Variants in TBC1D8 observed in about 807,000 individuals in gnomAD.
TBC1D8 encodes TBC1 domain family member 8.
In TBC1D8, 65 loss-of-function variants were observed where a neutral mutation model predicts 118.8. The ratio of observed to expected loss-of-function variants is 0.55; its 90% CI spans 0.45 to 0.67. TBC1D8 has a LOEUF of 0.67. TBC1D8 is among the 30% of genes least tolerant of loss of function. TBC1D8 has a pLI of 0.00. For synonymous variants in TBC1D8, 566 were observed against 595.8 expected, an observed-to-expected ratio of 0.95 and a Z score of 0.73; for missense variants, 1,376 against 1,471.2, an observed-to-expected ratio of 0.94 and a Z score of 1.06.
intron 1 of TBC1D8, among the ~76,000 whole-genome samples, chr2:101,140,734 C>T (rs1286829104): frequency 6.6e-6 from 1 of 151,264 alleles, no homozygotes; most frequent in African/African-American, 2.4e-5. Context: ...ACCTTCGCAT[C>T]TCCAAATAAC....
At chr2:101,117,068 G>GT (rs1677852538) in intron 1 of TBC1D8, among the ~76,000 whole-genome samples, 1 of 152,122 alleles carries the variant, frequency 6.6e-6, no homozygotes. Flanking sequence ...AGAGCACTGT[G>GT]TGATGACTGA....
intron 19 of TBC1D8, among the ~76,000 whole-genome samples, chr2:101,009,065 G>A (rs1678972751): frequency 6.6e-6 from 1 of 152,108 alleles, no homozygotes; most frequent in Non-Finnish European, 1.5e-5. Flanking sequence ...GCTTCAGGTG[G>A]AATCTAGCTA....
At position 101,050,474 on chromosome 2, in the gene TBC1D8, G is replaced by C. The variant is rs936987622; in HGVS notation, c.799C>G (p.Leu267Val). The change falls in exon 5 of 20, where the codon CTG (leucine) becomes GTG (valine). Residue 267 changes from leucine (L) to valine (V), a missense_variant. Physicochemically the swap from Leu to Val is conservative, Grantham distance 32 (BLOSUM62 1). Coordinates refer to ENST00000409318, the MANE Select transcript of TBC1D8 (RefSeq NM_001330348.2). ...ACCTCATTATCCAGCAGCCTTCGCAGCGTCACGTCGGCCAGCTGCTCCATG... is the reference window on the plus strand; with the variant it reads ...ACCTCATTATCCAGCAGCCTTCGCACCGTCACGTCGGCCAGCTGCTCCATG... ...KVMEQLADVT[L>V]RRLLDNEVFD... 1.5e-5 allele frequency: 24 copies of C among 1,613,812 alleles called. No individual in the cohort carries two copies. The highest frequency in any genetic ancestry group is 1.9e-5 in the Non-Finnish European group (22 of 1,179,862).
chr2:101,009,378 C>T (rs969831224), intron 19 of TBC1D8, among the ~76,000 whole-genome samples: 6 of 150,074 alleles, frequency 4.0e-5, no homozygotes, highest in African/African-American at 1.5e-4. Flanking sequence ...TGCACTCTAG[C>T]CTGGGCGACA....
At chr2:101,008,811 TAAAA>T (rs34291098) in intron 19 of TBC1D8, among the ~76,000 whole-genome samples, 53 of 145,750 alleles carry the variant, frequency 3.6e-4, no homozygotes, top group Admixed American at 6.8e-4. Flanking sequence ...AACTTTGTCT[TAAAA>T]AAAAAAAAAT....
At chr2:101,018,119 G>GT in intron 17 of TBC1D8, 1 of 551,632 alleles carries the variant, frequency 1.8e-6, no homozygotes, top group Non-Finnish European at 3.2e-6. Flanking sequence ...TTCATATAAA[G>GT]TTTTCAGAAT....
chr2:101,135,198 A>C (rs1371341277), intron 1 of TBC1D8, among the ~76,000 whole-genome samples: 1 of 152,128 alleles, frequency 6.6e-6, no homozygotes, highest in African/African-American at 2.4e-5. Flanking sequence ...AACAAGAAAA[A>C]AGAAAAAGCC....
chr2:101,063,399 T>C (rs1435272366), intron 2 of TBC1D8, among the ~76,000 whole-genome samples: 1 of 152,172 alleles, frequency 6.6e-6, no homozygotes, highest in African/African-American at 2.4e-5. Flanking sequence ...TAAAAAAAAC[T>C]ATCACTGAGC....
intron 2 of TBC1D8, among the ~76,000 whole-genome samples, chr2:101,074,673 C>T (rs918741308): frequency 4.6e-5 from 7 of 152,028 alleles, no homozygotes; most frequent in East Asian, 3.8e-4. Flanking sequence ...TGTGCGTGTA[C>T]GTATATTAGA....
intron 2 of TBC1D8, among the ~76,000 whole-genome samples, chr2:101,073,148 CTA>C (rs59515478): frequency 0.76 from 116,003 of 151,786 alleles, 45,148 homozygotes; most frequent in Middle Eastern, 0.88. Context: ...ATGTTAGCCC[CTA>C]TATCAAGAGG....
intron 1 of TBC1D8, among the ~76,000 whole-genome samples, chr2:101,145,915 C>A (rs539936852): frequency 6.6e-6 from 1 of 152,168 alleles, no homozygotes; most frequent in African/African-American, 2.4e-5. Context: ...GTGAATGTTT[C>A]TTATGTCCTT....
chr2:101,037,502 G>A (rs1681086679), intron 8 of TBC1D8, 30 bp downstream of exon 8: 1 of 1,606,596 alleles, frequency 6.2e-7, no homozygotes, highest in African/African-American at 1.3e-5. Context: ...TCAGCTTTGT[G>A]GTCCAGCTTG....
At chr2:101,083,917 A>G (rs1675426110) in intron 2 of TBC1D8, among the ~76,000 whole-genome samples, 1 of 152,228 alleles carries the variant, frequency 6.6e-6, no homozygotes, top group Non-Finnish European at 1.5e-5. Context: ...AGGCCTAAGG[A>G]TCTAAATTGA....
intron 1 of TBC1D8, among the ~76,000 whole-genome samples, chr2:101,120,353 C>A (rs1348727536): frequency 6.6e-6 from 1 of 152,200 alleles, no homozygotes; most frequent in Non-Finnish European, 1.5e-5. Context: ...GTTCTCAATC[C>A]TGCCTGAGCT....
chr2:101,132,811 G>C (rs920782231), intron 1 of TBC1D8, among the ~76,000 whole-genome samples: 1 of 151,684 alleles, frequency 6.6e-6, no homozygotes, highest in Admixed American at 6.6e-5. Context: ...TGTTGCCCAG[G>C]CTGGTCTTGA....
intron 2 of TBC1D8, among the ~76,000 whole-genome samples, chr2:101,072,695 T>C (rs1674531386): frequency 6.6e-6 from 1 of 152,166 alleles, no homozygotes; most frequent in South Asian, 2.1e-4. Context: ...TATGAGAGTC[T>C]AATGCCACCA....
At chr2:101,084,623 G>C (rs1481952344) in intron 2 of TBC1D8, among the ~76,000 whole-genome samples, 1 of 151,992 alleles carries the variant, frequency 6.6e-6, no homozygotes, top group Non-Finnish European at 1.5e-5. Flanking sequence ...CTTTTCTCTC[G>C]GGCCTCCCTA....
At chr2:101,021,287 T>C (rs1396260960) in intron 17 of TBC1D8, among the ~76,000 whole-genome samples, 1 of 152,158 alleles carries the variant, frequency 6.6e-6, no homozygotes, top group Admixed American at 6.5e-5. Flanking sequence ...GGAGAAAACA[T>C]GGTCTGATGC....
At chr2:101,019,276 C>A in intron 17 of TBC1D8, 1 of 414,080 alleles carries the variant, frequency 2.4e-6, no homozygotes, top group Non-Finnish European at 4.3e-6. Flanking sequence ...TTTAGGCACA[C>A]AAATTCACAT....
Sources: allele counts gnomAD v4.1 joint callset (sites outside exome capture counted in the v4.1 genomes callset), GRCh38; gene constraint gnomAD v4.1.1; transcripts MANE v1.5; gene names NCBI Gene and HGNC (gene_info 2026-07-23, HGNC 2026-07-21).